Variants in FAM13A observed in about 807,000 individuals in gnomAD.
The protein encoded by FAM13A is protein FAM13A.
A neutral mutation model predicts 129.6 loss-of-function variants in FAM13A; 76 were observed. That is an observed-to-expected ratio of 0.59 (90% CI 0.49 to 0.71). The LOEUF is 0.71. Ranked by LOEUF, FAM13A falls within the 30% of genes least tolerant of loss-of-function variation. The probability of loss-of-function intolerance (pLI) is 0.00; values close to 1 mark genes in which losing one functional copy is unlikely to be tolerated. For synonymous variants in FAM13A, 443 were observed against 449.9 expected, an observed-to-expected ratio of 0.98 and a Z score of 0.20; for missense variants, 1,108 against 1,249.3, an observed-to-expected ratio of 0.89 and a Z score of 1.70.
intron 7 of FAM13A, among the ~76,000 whole-genome samples, chr4:88,836,986 G>C (rs746443876): frequency 1.3e-5 from 2 of 151,682 alleles, no homozygotes; most frequent in Non-Finnish European, 2.9e-5. Flanking sequence ...ATGTTAAAAT[G>C]ATGATTATTT....
chr4:88,807,710 T>TA (rs1561048287), intron 7 of FAM13A, among the ~76,000 whole-genome samples: 1 of 152,188 alleles, frequency 6.6e-6, no homozygotes, highest in Non-Finnish European at 1.5e-5. Flanking sequence ...TACATCACCT[T>TA]AGTCAAAGTC....
intron 7 of FAM13A, among the ~76,000 whole-genome samples, chr4:88,828,842 A>T (rs1320296454): frequency 6.6e-6 from 1 of 152,244 alleles, no homozygotes; most frequent in Non-Finnish European, 1.5e-5. Flanking sequence ...TGGGTTATAT[A>T]TTGATGTGCA....
chr4:89,040,169 T>C (rs1454623437), intron 1 of FAM13A, among the ~76,000 whole-genome samples: 2 of 152,174 alleles, frequency 1.3e-5, no homozygotes, highest in East Asian at 3.9e-4. Context: ...AATGATGTCT[T>C]CAAATACTAA....
At chr4:88,994,083 C>T (rs536544821) in intron 3 of FAM13A, among the ~76,000 whole-genome samples, 36 of 152,210 alleles carry the variant, frequency 2.4e-4, no homozygotes, top group African/African-American at 8.7e-4. Context: ...CTTCCATCTA[C>T]CTCCTTCCAT....
intron 5 of FAM13A, among the ~76,000 whole-genome samples, chr4:88,923,620 G>A (rs1365975753): frequency 2.0e-5 from 3 of 152,154 alleles, no homozygotes; most frequent in Non-Finnish European, 4.4e-5. Context: ...AAAACTGGAA[G>A]CATTCCCTTT....
intron 10 of FAM13A, among the ~76,000 whole-genome samples, chr4:88,786,812 A>G (rs1209093404): frequency 6.6e-6 from 1 of 152,126 alleles, no homozygotes; most frequent in East Asian, 1.9e-4. Context: ...TAAAGGGTTT[A>G]ATGTAGATTA....
chr4:88,994,062 CT>C (rs1424083829), intron 3 of FAM13A, among the ~76,000 whole-genome samples: 1 of 151,874 alleles, frequency 6.6e-6, no homozygotes, highest in Non-Finnish European at 1.5e-5. Flanking sequence ...TCAAAAGTAA[CT>C]GAGAAATATC....
chr4:88,990,562 T>C (rs1216144676), intron 4 of FAM13A: 1 of 154,434 alleles, frequency 6.5e-6, no homozygotes, highest in Non-Finnish European at 1.4e-5. Flanking sequence ...TATATTTTTC[T>C]GATACTGGCA....
At chr4:88,877,556 G>A (rs932124070) in intron 6 of FAM13A, among the ~76,000 whole-genome samples, 1 of 152,174 alleles carries the variant, frequency 6.6e-6, no homozygotes, top group African/African-American at 2.4e-5. Context: ...TATTCACATA[G>A]GTGTAGGAAA....
At chr4:88,999,219 G>A (rs529529195) in intron 3 of FAM13A, among the ~76,000 whole-genome samples, 1 of 152,266 alleles carries the variant, frequency 6.6e-6, no homozygotes, top group African/African-American at 2.4e-5. Flanking sequence ...TGCCTAAATA[G>A]TATCTCAGCA....
chr4:88,956,311 T>A (rs1043887520), intron 4 of FAM13A, among the ~76,000 whole-genome samples: 1 of 152,218 alleles, frequency 6.6e-6, no homozygotes, highest in South Asian at 2.1e-4. Context: ...TGTACTACAA[T>A]TGCCTACAGT....
At chr4:89,017,920 T>C (rs936994615) in intron 3 of FAM13A, among the ~76,000 whole-genome samples, 5 of 152,174 alleles carry the variant, frequency 3.3e-5, no homozygotes, top group African/African-American at 1.2e-4. Context: ...AACAAACTGT[T>C]CTGCAAATTT....
chr4:88,980,468 A>G (rs1020053375), intron 4 of FAM13A, among the ~76,000 whole-genome samples: 1 of 152,262 alleles, frequency 6.6e-6, no homozygotes, highest in African/African-American at 2.4e-5. Context: ...GCACAGAACT[A>G]CAGGCAATGA....
intron 3 of FAM13A, among the ~76,000 whole-genome samples, chr4:89,011,626 C>T (rs964806906): frequency 6.6e-6 from 1 of 152,126 alleles, no homozygotes; most frequent in Non-Finnish European, 1.5e-5. Context: ...CTAACCTCAA[C>T]CTACTTTTTC....
At chr4:88,773,883 C>T (rs935503160) in intron 11 of FAM13A, among the ~76,000 whole-genome samples, 1 of 152,194 alleles carries the variant, frequency 6.6e-6, no homozygotes, top group Admixed American at 6.5e-5. Flanking sequence ...GTGATCCTTT[C>T]ATAAGGTATA....
chr4:88,921,805 C>T (rs1751141515), intron 5 of FAM13A, among the ~76,000 whole-genome samples: 1 of 152,088 alleles, frequency 6.6e-6, no homozygotes, highest in African/African-American at 2.4e-5. Flanking sequence ...TCAGGAAACC[C>T]ATCTCACGTG....
chr4:88,877,031 T>C (rs967416963), intron 6 of FAM13A, among the ~76,000 whole-genome samples: 4 of 152,192 alleles, frequency 2.6e-5, no homozygotes, highest in Non-Finnish European at 5.9e-5. Flanking sequence ...TTTCACAAAA[T>C]AGAAAATATA....
chr4:88,898,909 C>G (rs1412395172), intron 6 of FAM13A, among the ~76,000 whole-genome samples: 1 of 151,978 alleles, frequency 6.6e-6, no homozygotes, highest in Non-Finnish European at 1.5e-5. Flanking sequence ...ATCCAGTAAT[C>G]CCACTACTAG....
In FAM13A at chr4:88,728,409, C is replaced by G; in HGVS notation, c.*124G>C. 2 of 1,189,256 alleles carry G rather than the reference C, an allele frequency of 1.7e-6. No individual in the cohort carries two copies. Among genetic ancestry groups the G allele is most frequent in the Non-Finnish European group, 2.4e-6 (2 of 829,586 alleles). The allele number at this position is 1,189,256 out of a possible 1,614,324, so 73.7% of individuals were successfully genotyped here. ...GAAACAGGAGCCGATGCCAAATGGT[C>G]TAGAGGCAGAAGGGCTGCATGCTTT... is the stretch of plus-strand genomic sequence containing the variant. On this transcript the variant is annotated 3_prime_UTR_variant, in exon 24 of 24. Transcript: ENST00000264344.
Sources: allele counts gnomAD v4.1 joint callset (sites outside exome capture counted in the v4.1 genomes callset), GRCh38; gene constraint gnomAD v4.1.1; transcripts MANE v1.5; gene names NCBI Gene and HGNC (gene_info 2026-07-23, HGNC 2026-07-21).